The following CACNA1E variants were observed in gnomAD, a reference collection of about 807,000 sequenced individuals.
The protein encoded by CACNA1E is voltage-dependent R-type calcium channel subunit alpha-1E.
A neutral mutation model predicts 259.2 loss-of-function variants in CACNA1E; 40 were observed. The ratio of observed to expected loss-of-function variants is 0.15; its 90% CI spans 0.12 to 0.20. The LOEUF is 0.20. CACNA1E is among the 10% of genes least tolerant of loss of function. CACNA1E has a pLI of 1.00. For synonymous variants in CACNA1E, 1,104 were observed against 1,138.5 expected, an observed-to-expected ratio of 0.97 and a Z score of 0.61; for missense variants, 1,874 against 3,040.1, an observed-to-expected ratio of 0.62 and a Z score of 9.02.
At chr1:181,701,332 G>A (rs1423776957) in intron 7 of CACNA1E, among the ~76,000 whole-genome samples, 2 of 152,210 alleles carry the variant, frequency 1.3e-5, no homozygotes, top group African/African-American at 2.4e-5. Context: ...ACAGCCATTT[G>A]TTCTGTTAGG....
chr1:181,530,561 G>C, intron 3 of CACNA1E, among the ~76,000 whole-genome samples: 1 of 152,146 alleles, frequency 6.6e-6, no homozygotes, highest in East Asian at 1.9e-4. Context: ...TGGTATGACT[G>C]CAGCACTAGT....
intron 25 of CACNA1E, among the ~76,000 whole-genome samples, chr1:181,749,547 T>C (rs1439563576): frequency 6.6e-6 from 1 of 152,234 alleles, no homozygotes; most frequent in Non-Finnish European, 1.5e-5. Context: ...TGCCAGCTGA[T>C]GTCGGGCACT....
chr1:181,615,461 T>C (rs1655125437), intron 6 of CACNA1E, among the ~76,000 whole-genome samples: 1 of 152,342 alleles, frequency 6.6e-6, no homozygotes, highest in South Asian at 2.1e-4. Context: ...GTGCTGGGAT[T>C]ACAGGTGTGA....
At chr1:181,715,173 AC>A (rs918186046) in intron 8 of CACNA1E, among the ~76,000 whole-genome samples, 164 bp from the exon 9 acceptor site, 3 of 151,986 alleles carry the variant, frequency 2.0e-5, no homozygotes, top group Admixed American at 2.0e-4. Context: ...CTCTCTGTGC[AC>A]CCTCTGTGAC....
intron 1 of CACNA1E, among the ~76,000 whole-genome samples, chr1:181,486,536 T>A (rs1031452961): frequency 6.6e-6 from 1 of 152,070 alleles, no homozygotes; most frequent in African/African-American, 2.4e-5. Context: ...TTATTGGGAG[T>A]CAGTCTGGGT....
At chr1:181,773,210 C>G (rs558602170) in intron 37 of CACNA1E, among the ~76,000 whole-genome samples, 1 of 152,340 alleles carries the variant, frequency 6.6e-6, no homozygotes, top group Admixed American at 6.5e-5. Context: ...ATGTCCAGCT[C>G]TCCAGTGAGG....
intron 1 of CACNA1E, among the ~76,000 whole-genome samples, chr1:181,396,042 G>A (rs917018615): frequency 3.9e-5 from 6 of 152,176 alleles, no homozygotes; most frequent in Admixed American, 6.5e-5. Flanking sequence ...AGCTGTGGCC[G>A]CAGTCATCTC....
intron 2 of CACNA1E, among the ~76,000 whole-genome samples, chr1:181,442,419 A>G (rs1234390409): frequency 7.0e-6 from 1 of 142,882 alleles, no homozygotes; most frequent in African/African-American, 2.8e-5. Flanking sequence ...TGAAGGGTAC[A>G]GGTATAAGGG....
chr1:181,627,106 A>G (rs866385977), intron 6 of CACNA1E, among the ~76,000 whole-genome samples: 3 of 152,352 alleles, frequency 2.0e-5, no homozygotes, highest in South Asian at 4.1e-4. Flanking sequence ...AACAAATCCT[A>G]TAAAAAAGAA....
chr1:181,600,733 A>T lies in CACNA1E; in HGVS notation c.951+19957A>T, dbSNP rs79263716. On this transcript the variant is annotated intron_variant, in intron 6 of 47. Coordinates refer to ENST00000367573, the MANE Select transcript of CACNA1E (RefSeq NM_001205293.3). Reference sequence around the variant, plus strand: ...ATGTTAAATTGGAGTGGCCTAATTGATGTCTATGAGATAGCCCAGTTAGAG... The same window carrying T: ...ATGTTAAATTGGAGTGGCCTAATTGTTGTCTATGAGATAGCCCAGTTAGAG... Among the ~76,000 whole-genome samples, 417 of 152,282 alleles carry T rather than the reference A, an allele frequency of 2.7e-3. 1 individual carries two copies. Among genetic ancestry groups the T allele is most frequent in the African/African-American group, 9.8e-3 (407 of 41,546 alleles).
chr1:181,326,787 C>G (rs1420785281), intron 1 of CACNA1E, among the ~76,000 whole-genome samples: 1 of 152,160 alleles, frequency 6.6e-6, no homozygotes, highest in Non-Finnish European at 1.5e-5. Context: ...TCTTCATTTC[C>G]CAAATCTTGT....
rs139062029 is a variant in CACNA1E, at chr1:181,787,813, T to C, written c.5786+1994T>C. Among the ~76,000 whole-genome samples the C allele has an allele frequency of 2.1e-3, 326 of 152,250 alleles. 2 individuals carry two copies. The highest frequency in any genetic ancestry group is 7.7e-3 in the African/African-American group (319 of 41,524). The stretch of plus-strand genomic sequence containing the variant: ...TCTTCAAGAGTGGTAAGAGAAAGTA[T>C]GGTAAGTTTAAGGAACCTAAAAACT... On this transcript the variant is annotated intron_variant, in intron 43 of 47. Coordinates refer to ENST00000367573, the MANE Select transcript of CACNA1E (RefSeq NM_001205293.3).
At chr1:181,465,533 TG>T (rs1236279152) in intron 2 of CACNA1E, among the ~76,000 whole-genome samples, 9 of 152,138 alleles carry the variant, frequency 5.9e-5, no homozygotes, top group Admixed American at 2.0e-4. Context: ...TTTATCTCCC[TG>T]GGCTGTATAC....
intron 7 of CACNA1E, among the ~76,000 whole-genome samples, chr1:181,670,481 A>G (rs1246952161): frequency 6.6e-6 from 1 of 152,196 alleles, no homozygotes; most frequent in Non-Finnish European, 1.5e-5. Flanking sequence ...TGAAGAAGCT[A>G]ACTCTACTAT....
At chr1:181,458,918 A>T (rs1473429416) in intron 2 of CACNA1E, among the ~76,000 whole-genome samples, 2 of 152,230 alleles carry the variant, frequency 1.3e-5, no homozygotes, top group Middle Eastern at 3.2e-3. Context: ...CATTGATTAC[A>T]TACTATATAT....
At chr1:181,676,675 A>C (rs1307762078) in intron 7 of CACNA1E, among the ~76,000 whole-genome samples, 1 of 152,204 alleles carries the variant, frequency 6.6e-6, no homozygotes, top group Non-Finnish European at 1.5e-5. Flanking sequence ...TTGGCAATAC[A>C]TGTCAAGTTG....
At chr1:181,553,408 A>G (rs1207718236) in intron 3 of CACNA1E, among the ~76,000 whole-genome samples, 1 of 152,164 alleles carries the variant, frequency 6.6e-6, no homozygotes, top group Admixed American at 6.5e-5. Flanking sequence ...TTGGGCTGCG[A>G]TGATGGGGTT....
At chr1:181,638,969 G>A (rs539205513) in intron 6 of CACNA1E, among the ~76,000 whole-genome samples, 1 of 152,270 alleles carries the variant, frequency 6.6e-6, no homozygotes, top group South Asian at 2.1e-4. Flanking sequence ...ATAGCAGTGT[G>A]AAAACAAACC....
chr1:181,671,904 T>G (rs1041642073), intron 7 of CACNA1E, among the ~76,000 whole-genome samples: 1 of 152,206 alleles, frequency 6.6e-6, no homozygotes, highest in Non-Finnish European at 1.5e-5. Context: ...TAGAGGAATA[T>G]AAATCATTCT....
Sources: allele counts gnomAD v4.1 joint callset (sites outside exome capture counted in the v4.1 genomes callset), GRCh38; gene constraint gnomAD v4.1.1; transcripts MANE v1.5; gene names NCBI Gene and HGNC (gene_info 2026-07-23, HGNC 2026-07-21).